DOK6: variants seen among roughly 807,000 people sequenced by gnomAD.
DOK6 encodes downstream of tyrosine kinase 6.
Under a neutral mutation model 44.0 loss-of-function variants are expected in DOK6, and 22 were observed. The observed-to-expected ratio is 0.50, with a 90% CI of 0.36 to 0.71. The LOEUF (loss-of-function observed/expected upper bound fraction) is 0.71. Ranked by LOEUF, DOK6 falls within the 30% of genes least tolerant of loss-of-function variation. DOK6 has a pLI of 0.00. For missense variants in DOK6, 340 were observed against 416.4 expected (o/e 0.82, Z 1.60); for synonymous variants, 166 against 145.5 (o/e 1.14, Z -1.01).
chr18:69,567,995 A>T (rs1568298900), intron 2 of DOK6, among the ~76,000 whole-genome samples: 1 of 151,534 alleles, frequency 6.6e-6, no homozygotes, highest in Non-Finnish European at 1.5e-5. Context: ...CAGCAGCTTC[A>T]CTCTCTCCCT....
chr18:69,491,963 T>C (rs1980747365), intron 1 of DOK6, among the ~76,000 whole-genome samples: 1 of 152,170 alleles, frequency 6.6e-6, no homozygotes, highest in African/African-American at 2.4e-5. Flanking sequence ...TAAATATGAG[T>C]ATTTCCAATA....
At chr18:69,668,527 C>T (rs1410590555) in intron 3 of DOK6, among the ~76,000 whole-genome samples, 1 of 152,116 alleles carries the variant, frequency 6.6e-6, no homozygotes, top group Non-Finnish European at 1.5e-5. Context: ...TTGGAGTGTA[C>T]TCATAGTTTT....
At position 69,736,557 on chromosome 18, in the gene DOK6, G is replaced by A. The variant is rs189283120; in HGVS notation, c.600-2408G>A. ...CAATAGAATTCTAGTTTGAAGTCAG[G>A]ACAAACACACGTCATCCATATTTTC... On this transcript the variant is annotated intron_variant, in intron 5 of 7. Coordinates refer to ENST00000382713, the MANE Select transcript of DOK6 (RefSeq NM_152721.6). Among the ~76,000 whole-genome samples, 799 of 151,900 alleles carry A rather than the reference G, an allele frequency of 5.3e-3. 4 individuals are homozygous for A. The highest frequency in any genetic ancestry group is 0.017 in the African/African-American group (709 of 41,540).
At chr18:69,441,248 T>C (rs1979129437) in intron 1 of DOK6, among the ~76,000 whole-genome samples, 1 of 152,164 alleles carries the variant, frequency 6.6e-6, no homozygotes, top group African/African-American at 2.4e-5. Context: ...AAAAATAGTA[T>C]AAAAGTATGA....
At chr18:69,659,434 G>C (rs930375247) in intron 3 of DOK6, among the ~76,000 whole-genome samples, 7 of 152,172 alleles carry the variant, frequency 4.6e-5, no homozygotes, top group Non-Finnish European at 1.0e-4. Context: ...AATATGATAG[G>C]TTATGTGTTT....
At chr18:69,596,322 T>C (rs1322801248) in intron 2 of DOK6, among the ~76,000 whole-genome samples, 1 of 152,088 alleles carries the variant, frequency 6.6e-6, no homozygotes, top group East Asian at 1.9e-4. Flanking sequence ...GGTGTGGTCA[T>C]GGAAAGAAAG....
At chr18:69,764,120 A>G (rs1372251701) in intron 7 of DOK6, among the ~76,000 whole-genome samples, 1 of 152,160 alleles carries the variant, frequency 6.6e-6, no homozygotes, top group Non-Finnish European at 1.5e-5. Context: ...TATTTTCATG[A>G]ACACAGGAAG....
chr18:69,652,040 C>T (rs1157556250), intron 3 of DOK6, among the ~76,000 whole-genome samples: 1 of 152,154 alleles, frequency 6.6e-6, no homozygotes, highest in Admixed American at 6.5e-5. Flanking sequence ...CTGCTTTAAC[C>T]TTGCTGTGTG....
At chr18:69,489,651 G>A (rs1301492078) in intron 1 of DOK6, among the ~76,000 whole-genome samples, 1 of 152,008 alleles carries the variant, frequency 6.6e-6, no homozygotes, top group African/African-American at 2.4e-5. Flanking sequence ...TGTTTCTTTT[G>A]TTAATTACAG....
At chr18:69,534,885 T>C (rs1168035903) in intron 1 of DOK6, among the ~76,000 whole-genome samples, 4 of 152,140 alleles carry the variant, frequency 2.6e-5, no homozygotes, top group Non-Finnish European at 5.9e-5. Flanking sequence ...TATTCCACTT[T>C]GATTTTATAA....
chr18:69,471,165 G>A (rs1234622194), intron 1 of DOK6, among the ~76,000 whole-genome samples: 2 of 143,372 alleles, frequency 1.4e-5, no homozygotes, highest in Non-Finnish European at 3.0e-5. Flanking sequence ...CAGGAGAATC[G>A]CTTGAACCTG....
chr18:69,767,737 C>A (rs942421710), intron 7 of DOK6, among the ~76,000 whole-genome samples: 7 of 152,204 alleles, frequency 4.6e-5, no homozygotes, highest in African/African-American at 1.4e-4. Context: ...TACACTGATT[C>A]TCTCTCACAG....
intron 5 of DOK6, among the ~76,000 whole-genome samples, chr18:69,732,215 G>A (rs1978430890): frequency 6.6e-6 from 1 of 152,020 alleles, no homozygotes; most frequent in Non-Finnish European, 1.5e-5. Context: ...TTAACATTGG[G>A]AGTTAAAAAT....
At chr18:69,463,316 A>C (rs1202469058) in intron 1 of DOK6, among the ~76,000 whole-genome samples, 1 of 151,636 alleles carries the variant, frequency 6.6e-6, no homozygotes, top group Non-Finnish European at 1.5e-5. Flanking sequence ...ATTTCCACAC[A>C]TCAATCTTGG....
chr18:69,723,472 A>G (rs1568105533), intron 5 of DOK6, among the ~76,000 whole-genome samples: 2 of 152,202 alleles, frequency 1.3e-5, no homozygotes, highest in Non-Finnish European at 2.9e-5. Context: ...TGCTAGTTTG[A>G]TAGAACACAC....
At chr18:69,662,243 G>A (rs907048370) in intron 3 of DOK6, 9 of 152,304 alleles carry the variant, frequency 5.9e-5, no homozygotes, top group African/African-American at 2.2e-4. Context: ...GTCTCCCGCA[G>A]TGCTGGGATT....
intron 1 of DOK6, among the ~76,000 whole-genome samples, chr18:69,456,440 G>T (rs560368888): frequency 6.6e-5 from 10 of 152,202 alleles, no homozygotes; most frequent in Admixed American, 2.0e-4. Context: ...TTAGGATAAT[G>T]GCCTCCAGTT....
At chr18:69,739,409 C>G (rs1668944150) in intron 6 of DOK6, among the ~76,000 whole-genome samples, 1 of 152,188 alleles carries the variant, frequency 6.6e-6, no homozygotes, top group South Asian at 2.1e-4. Flanking sequence ...TCCCCACATA[C>G]AGTTGGACAA....
At chr18:69,472,303 C>A (rs964958500) in intron 1 of DOK6, among the ~76,000 whole-genome samples, 2 of 152,172 alleles carry the variant, frequency 1.3e-5, no homozygotes, top group African/African-American at 4.8e-5. Context: ...ACTGCGCACA[C>A]AATGAGGTTC....
Sources: gnomAD v4.1 joint callset for allele counts (sites outside exome capture counted in the v4.1 genomes callset) on GRCh38, gnomAD v4.1.1 for gene constraint, MANE v1.5 for transcripts, NCBI Gene and HGNC (gene_info 2026-07-23, HGNC 2026-07-21) for gene names.